FNDC3B: variants seen among roughly 807,000 people sequenced by gnomAD.
The protein encoded by FNDC3B is fibronectin type III domain-containing protein 3B.
A neutral mutation model predicts 151.5 loss-of-function variants in FNDC3B; 12 were observed. The ratio of observed to expected loss-of-function variants is 0.08; its 90% CI spans 0.05 to 0.13. The LOEUF (loss-of-function observed/expected upper bound fraction) is 0.13. Ranked by LOEUF, FNDC3B falls within the 10% of genes least tolerant of loss-of-function variation. The pLI, the probability that FNDC3B is intolerant of heterozygous loss-of-function variation, is 1.00. For synonymous variants in FNDC3B, 528 were observed against 549.0 expected, an observed-to-expected ratio of 0.96 and a Z score of 0.54; for missense variants, 1,214 against 1,505.3, an observed-to-expected ratio of 0.81 and a Z score of 3.20.
chr3:172,230,181 C>T (rs1273304865), intron 4 of FNDC3B, among the ~76,000 whole-genome samples: 1 of 151,874 alleles, frequency 6.6e-6, no homozygotes, highest in Non-Finnish European at 1.5e-5. Flanking sequence ...ATTTTTGTGC[C>T]TCAAAGGACA....
intron 1 of FNDC3B, among the ~76,000 whole-genome samples, chr3:172,070,627 C>T (rs1307937913): frequency 6.6e-6 from 1 of 152,162 alleles, no homozygotes; most frequent in African/African-American, 2.4e-5. Flanking sequence ...TTACCTTTTA[C>T]TTTAAGCCAA....
chr3:172,068,423 CT>C (rs11459544), intron 1 of FNDC3B, among the ~76,000 whole-genome samples: 126 of 122,560 alleles, frequency 1.0e-3, no homozygotes, highest in East Asian at 4.2e-3. Flanking sequence ...TGTGAGGAGC[CT>C]TTTTTTTTTT....
rs534452624 is a variant in FNDC3B at position 172,044,065 on chromosome 3, T to C, written c.-29+4294T>C. ...ATTAAAATTATTCTTTTACTCTCAG[T>C]GTATAGAAATCAAATATCAAACACA... On this transcript the variant is annotated intron_variant, in intron 1 of 25. Coordinates refer to ENST00000415807, the MANE Select transcript of FNDC3B (RefSeq NM_022763.4). 5.3e-5 allele frequency among the ~76,000 whole-genome samples: 8 copies of C among 152,334 alleles called. No individual in the cohort carries two copies. The South Asian group carries it at 1.7e-3, about 32-fold the overall frequency.
intron 3 of FNDC3B, among the ~76,000 whole-genome samples, chr3:172,190,475 A>C (rs570267045): frequency 1.3e-5 from 2 of 152,336 alleles, no homozygotes; most frequent in East Asian, 1.9e-4. Context: ...CATTTGGGTC[A>C]TGAGACTCTC....
In FNDC3B at chr3:172,352,837, A is replaced by T; in HGVS notation, c.2549A>T (p.Glu850Val). Residue 850 changes from glutamate to valine, a missense_variant, in exon 22 of 26, where the codon GAA (glutamate) becomes GTA (valine). Physicochemically the swap from Glu to Val is moderately radical, Grantham distance 121. Coordinates refer to ENST00000415807, the MANE Select transcript of FNDC3B (RefSeq NM_022763.4). The surrounding 1 kb of genome is among the most constrained non-coding windows in gnomAD (Gnocchi z 4.2). Reference sequence around the variant, plus strand: ...CAAGCAGGGGCAGGGCCGTACAGTGAACTTGTCCTTTGCCAGACGCCAGCG... The same window carrying T: ...CAAGCAGGGGCAGGGCCGTACAGTGTACTTGTCCTTTGCCAGACGCCAGCG... ...FNQAGAGPYS[E>V]LVLCQTPASA... is the part of the protein sequence containing the mutation. The T allele has an allele frequency of 6.2e-7, 1 of 1,614,088 alleles. No homozygotes were observed. Among genetic ancestry groups the T allele is most frequent in the Admixed American group, 1.7e-5 (1 of 60,024 alleles).
intron 9 of FNDC3B, among the ~76,000 whole-genome samples, chr3:172,303,994 G>T (rs1349281082): frequency 6.6e-6 from 1 of 152,154 alleles, no homozygotes; most frequent in Admixed American, 6.5e-5. Flanking sequence ...GCATAACATT[G>T]TTTAAGATTA....
intron 1 of FNDC3B, among the ~76,000 whole-genome samples, chr3:172,084,502 T>TACACACACACACAC: frequency 1.7e-5 from 1 of 60,230 alleles, no homozygotes; most frequent in South Asian, 4.4e-4. Flanking sequence ...CACACACACG[T>TACACACACACACAC]ATATTCTGAA....
intron 7 of FNDC3B, among the ~76,000 whole-genome samples, chr3:172,293,942 A>G (rs58221704): frequency 1.3e-5 from 2 of 152,228 alleles, no homozygotes; most frequent in Non-Finnish European, 2.9e-5. Flanking sequence ...ACCTGTCTCC[A>G]TCTACAGCCT....
chr3:172,044,762 G>A (rs1468401655), intron 1 of FNDC3B, among the ~76,000 whole-genome samples: 1 of 152,176 alleles, frequency 6.6e-6, no homozygotes, highest in Non-Finnish European at 1.5e-5. Flanking sequence ...TAGGAAACAT[G>A]ATTTAACCCA....
intron 1 of FNDC3B, among the ~76,000 whole-genome samples, chr3:172,086,442 T>C (rs1270647707): frequency 6.6e-6 from 1 of 152,116 alleles, no homozygotes; most frequent in Non-Finnish European, 1.5e-5. Flanking sequence ...AAATTGGCAA[T>C]TTCAAGCCAT....
rs183431044 is a variant in FNDC3B at position 172,170,431 on chromosome 3, G to A, written c.187+36885G>A. Among the ~76,000 whole-genome samples the A allele has an allele frequency of 5.9e-3, 904 of 152,350 alleles. 1 individual carries two copies. The highest frequency in any genetic ancestry group is 9.2e-3 in the Non-Finnish European group (628 of 68,020). On this transcript the variant is annotated intron_variant, in intron 3 of 25. Transcript: ENST00000415807. ...GGTTGGGGACCAGGAAGATGAGCAAGAATGAATTTGTAAGCAACTGAATTT... is the reference window on the plus strand; with the variant it reads ...GGTTGGGGACCAGGAAGATGAGCAAAAATGAATTTGTAAGCAACTGAATTT...
intron 1 of FNDC3B, among the ~76,000 whole-genome samples, chr3:172,110,901 C>T (rs998029519): frequency 4.6e-5 from 7 of 152,082 alleles, no homozygotes; most frequent in Admixed American, 3.3e-4. Flanking sequence ...GAGTTCAAGA[C>T]TGGCCTGGCC....
intron 3 of FNDC3B, among the ~76,000 whole-genome samples, chr3:172,145,294 T>A (rs1328442227): frequency 1.3e-5 from 2 of 152,116 alleles, no homozygotes; most frequent in Non-Finnish European, 2.9e-5. Flanking sequence ...AAGGGAGAAG[T>A]CTTTGGGAGT....
intron 3 of FNDC3B, among the ~76,000 whole-genome samples, chr3:172,162,768 G>T (rs1311623819): frequency 3.3e-5 from 5 of 151,828 alleles, no homozygotes; most frequent in Non-Finnish European, 7.4e-5. Flanking sequence ...TAAGGAAGTA[G>T]GGTATGGTTA....
intron 2 of FNDC3B, among the ~76,000 whole-genome samples, chr3:172,122,660 CAGCACTTTGATGAACA>C (rs2108556573): frequency 6.6e-6 from 1 of 152,326 alleles, no homozygotes; most frequent in Admixed American, 6.5e-5. Context: ...CAGGTGTGTT[CAGCACTTTGATGAACA>C]AGAATAATTT....
chr3:172,241,066 G>A (rs139094695), intron 4 of FNDC3B, among the ~76,000 whole-genome samples: 2 of 152,234 alleles, frequency 1.3e-5, no homozygotes, highest in East Asian at 3.9e-4. Flanking sequence ...TTAGCCATCA[G>A]GCCAGATTTC....
chr3:172,098,697 A>T (rs1216224632), intron 1 of FNDC3B, among the ~76,000 whole-genome samples: 1 of 152,176 alleles, frequency 6.6e-6, no homozygotes, highest in African/African-American at 2.4e-5. Flanking sequence ...ATCTAGAAAA[A>T]TGAAATGGAA....
At chr3:172,208,668 C>T (rs57539199) in intron 3 of FNDC3B, among the ~76,000 whole-genome samples, 3,579 of 152,100 alleles carry the variant, frequency 0.024, 146 homozygotes, top group African/African-American at 0.083. Flanking sequence ...AACCTCTGGC[C>T]GGCGGCGCCT....
intron 1 of FNDC3B, among the ~76,000 whole-genome samples, chr3:172,048,522 A>C (rs1333041899): frequency 6.6e-6 from 1 of 152,186 alleles, no homozygotes; most frequent in East Asian, 1.9e-4. Context: ...TTAAATGATA[A>C]AGCTACTGTG....
Sources: allele counts gnomAD v4.1 joint callset (sites outside exome capture counted in the v4.1 genomes callset), GRCh38; gene constraint gnomAD v4.1.1; non-coding constraint Gnocchi (gnomAD v3.1); transcripts MANE v1.5; gene names NCBI Gene and HGNC (gene_info 2026-07-23, HGNC 2026-07-21).